Variants in CCNH observed in about 807,000 individuals in gnomAD.
The protein encoded by CCNH is cyclin H, also known as cyclin-H.
Under a neutral mutation model 41.9 loss-of-function variants are expected in CCNH, and 31 were observed. The ratio of observed to expected loss-of-function variants is 0.74; its 90% CI spans 0.56 to 1.00. The LOEUF (loss-of-function observed/expected upper bound fraction) is 1.00. CCNH is among the 50% of genes least tolerant of loss of function. The pLI, the probability that CCNH is intolerant of heterozygous loss-of-function variation, is 0.00. For missense variants in CCNH, 362 were observed against 388.4 expected, an observed-to-expected ratio of 0.93 and a Z score of 0.57; for synonymous variants, 138 against 136.1, an observed-to-expected ratio of 1.01 and a Z score of -0.10.
intron 9 of CCNH, chr5:87,318,906 T>C (rs1057497728): frequency 3.3e-5 from 5 of 152,190 alleles, no homozygotes; most frequent in Non-Finnish European, 5.9e-5. Context: ...GCCTGTAAAA[T>C]AAAAAACAAG....
Position 87,401,786 on chromosome 5 carries a change from G to T in CCNH, c.690-14C>A, listed in dbSNP as rs192273082. ...TCTGATAAATAACTAGTAAAGAAAA[G>T]AAAAAAAAATCTATTGAAAACATAC... is the stretch of plus-strand genomic sequence containing the variant. On this transcript the variant is annotated splice_polypyrimidine_tract_variant and intron_variant, in intron 5 of 8. Transcript: ENST00000256897. The T allele has an allele frequency of 2.7e-6, 4 of 1,474,928 alleles. No homozygotes were observed. In the African/African-American group the frequency reaches 4.3e-5, roughly 16 times the overall value. The allele number at this position is 1,474,928 out of a possible 1,614,324, so 91.4% of individuals were successfully genotyped here.
chr5:87,358,752 TTCCTACTA>T (rs1374718872), intron 9 of CCNH, among the ~76,000 whole-genome samples: 1 of 152,218 alleles, frequency 6.6e-6, no homozygotes, highest in Non-Finnish European at 1.5e-5. Flanking sequence ...AACTCGTCTC[TTCCTACTA>T]TCCTCCTGCC....
upstream of CCNH, among the ~76,000 whole-genome samples, chr5:87,379,335 A>G (rs567238747): frequency 5.8e-4 from 88 of 152,294 alleles, no homozygotes; most frequent in Non-Finnish European, 5.6e-4. Flanking sequence ...ACTTCCATAG[A>G]TAAATGTACT....
intron 9 of CCNH, among the ~76,000 whole-genome samples, chr5:87,334,843 G>C (rs1757849609): frequency 6.6e-6 from 1 of 151,956 alleles, no homozygotes; most frequent in South Asian, 2.1e-4. Flanking sequence ...CCAGGGATCA[G>C]TGTCATGAGG....
downstream of CCNH, chr5:87,389,506 T>C (rs1383177502): frequency 6.2e-7 from 1 of 1,614,102 alleles, no homozygotes; most frequent in Non-Finnish European, 8.5e-7. Flanking sequence ...GAACGCTCAG[T>C]AATGAGCGTG....
intron 7 of CCNH, among the ~76,000 whole-genome samples, chr5:87,395,615 G>A (rs997258755): frequency 6.6e-6 from 1 of 152,180 alleles, no homozygotes; most frequent in Non-Finnish European, 1.5e-5. Flanking sequence ...GCTCACAATT[G>A]TAATCCCAGC....
intron 9 of CCNH, among the ~76,000 whole-genome samples, chr5:87,367,349 G>A (rs547673124): frequency 2.0e-5 from 3 of 152,162 alleles, no homozygotes; most frequent in Non-Finnish European, 4.4e-5. Flanking sequence ...GCCAGGCATT[G>A]AACATTTCCT....
chr5:87,342,274 T>A (rs1273478232), intron 9 of CCNH, among the ~76,000 whole-genome samples: 2 of 151,908 alleles, frequency 1.3e-5, no homozygotes, highest in African/African-American at 2.4e-5. Flanking sequence ...ATTCTCTGCC[T>A]TAGTCTCCTG....
intron 1 of CCNH, 47 bp downstream of exon 1, chr5:87,412,631 C>G (rs367604765): frequency 3.1e-6 from 5 of 1,606,364 alleles, no homozygotes; most frequent in Admixed American, 3.4e-5. Context: ...CGCAGCTGCT[C>G]AGAATTTAGT....
intron 2 of CCNH, among the ~76,000 whole-genome samples, chr5:87,409,861 C>A (rs573110598): frequency 2.5e-4 from 38 of 152,242 alleles, no homozygotes; most frequent in Middle Eastern, 3.4e-3. Flanking sequence ...CTGCTGCCAA[C>A]TGAATGGCAG....
At chr5:87,338,514 TA>T (rs1758152935) in intron 9 of CCNH, among the ~76,000 whole-genome samples, 5 of 98,790 alleles carry the variant, frequency 5.1e-5, no homozygotes, top group South Asian at 3.6e-4. Flanking sequence ...TATATATATA[TA>T]TATATATATA....
At chr5:87,328,900 T>C (rs1757418125) in intron 9 of CCNH, among the ~76,000 whole-genome samples, 1 of 152,206 alleles carries the variant, frequency 6.6e-6, no homozygotes, top group Non-Finnish European at 1.5e-5. Context: ...GGATTTATTG[T>C]GATTTATTTA....
chr5:87,342,166 T>G (rs923042545), intron 9 of CCNH, among the ~76,000 whole-genome samples: 1 of 151,006 alleles, frequency 6.6e-6, no homozygotes, highest in African/African-American at 2.4e-5. Flanking sequence ...TTTTTTCTTT[T>G]TTTTTTTTTT....
chr5:87,389,873 C>T (rs1762362484), downstream of CCNH, among the ~76,000 whole-genome samples: 1 of 152,004 alleles, frequency 6.6e-6, no homozygotes, highest in Non-Finnish European at 1.5e-5. Context: ...TTCTCTGTCA[C>T]ATACAGATAT....
intron 9 of CCNH, among the ~76,000 whole-genome samples, chr5:87,349,752 A>C (rs1234085781): frequency 1.3e-5 from 2 of 151,932 alleles, no homozygotes; most frequent in African/African-American, 4.8e-5. Context: ...CCTGAGACTT[A>C]TTATACAGAT....
downstream of CCNH, chr5:87,375,053 C>G (rs1407259176): frequency 8.5e-7 from 1 of 1,181,690 alleles, no homozygotes; most frequent in African/African-American, 1.6e-5. Context: ...TCTTTCTGTA[C>G]TTCTTAAAGT....
At chr5:87,376,820 T>C (rs1761358659) in exon 1 of CCNH, 1 of 1,482,842 alleles carries the variant, frequency 6.7e-7, no homozygotes, top group Non-Finnish European at 9.4e-7. Flanking sequence ...TTCTTGTTAG[T>C]CTCATGGAGC....
chr5:87,371,084 A>AT, intron 9 of CCNH, among the ~76,000 whole-genome samples: 1 of 152,108 alleles, frequency 6.6e-6, no homozygotes, highest in Non-Finnish European at 1.5e-5. Context: ...TCAGTATCCT[A>AT]TTTTCTAAGT....
At chr5:87,383,516 T>C (rs996938964) in intron 9 of CCNH, among the ~76,000 whole-genome samples, 3 of 152,132 alleles carry the variant, frequency 2.0e-5, no homozygotes, top group Non-Finnish European at 4.4e-5. Context: ...GAAGCAGATA[T>C]ATATATTCTT....
Sources: gnomAD v4.1 joint callset for allele counts (sites outside exome capture counted in the v4.1 genomes callset) on GRCh38, gnomAD v4.1.1 for gene constraint, MANE v1.5 for transcripts, NCBI Gene and HGNC (gene_info 2026-07-23, HGNC 2026-07-21) for gene names.